The following PARD3 variants were observed in gnomAD, a reference collection of about 807,000 sequenced individuals.
The protein encoded by PARD3 is par-3 family cell polarity regulator, also known as partitioning defective 3 homolog.
In PARD3, 75 loss-of-function variants were observed where a neutral mutation model predicts 155.4. That is an observed-to-expected ratio of 0.48 (90% CI 0.40 to 0.58). The LOEUF (loss-of-function observed/expected upper bound fraction) is 0.58, where lower values mean the gene tolerates loss of function less well. Among genes scored for constraint, PARD3 ranks in the 20% least tolerant of loss-of-function variants. The pLI is 0.00. For synonymous variants in PARD3, 576 were observed against 610.5 expected, an observed-to-expected ratio of 0.94 and a Z score of 0.83; for missense variants, 1,642 against 1,721.7, an observed-to-expected ratio of 0.95 and a Z score of 0.82.
intron 1 of PARD3, among the ~76,000 whole-genome samples, chr10:34,754,320 C>T (rs577625120): frequency 5.0e-4 from 76 of 152,280 alleles, no homozygotes; most frequent in Middle Eastern, 3.4e-3. Flanking sequence ...ATTTTTTATA[C>T]TGCTAGATTA....
intron 20 of PARD3, among the ~76,000 whole-genome samples, chr10:34,288,112 G>A (rs1956489447): frequency 6.6e-6 from 1 of 152,148 alleles, no homozygotes; most frequent in Non-Finnish European, 1.5e-5. Context: ...TCAAGGGGCT[G>A]AGGTGTAAGG....
At chr10:34,372,401 A>G in intron 12 of PARD3, 97 bp downstream of exon 12, 1 of 945,496 alleles carries the variant, frequency 1.1e-6, no homozygotes. Context: ...ACGAGCCAGG[A>G]AAAGGCAGGA....
At chr10:34,732,438 T>A (rs1053659376) in intron 1 of PARD3, among the ~76,000 whole-genome samples, 6 of 152,148 alleles carry the variant, frequency 3.9e-5, no homozygotes, top group Non-Finnish European at 7.3e-5. Context: ...GACTGACACT[T>A]ATAATGGCAC....
In PARD3 at chr10:34,311,277, T is replaced by A. The variant is rs115401109; in HGVS notation, c.3065+5830A>T. ...GTTATTTATTTTTTTTTATTTATTT[T>A]TTTTAATAGAGACAGGGCCTTACTG... On this transcript the variant is annotated intron_variant, in intron 20 of 24. Transcript: ENST00000374788. 1.8e-3 allele frequency among the ~76,000 whole-genome samples: 270 copies of A among 152,312 alleles called. 1 individual carries two copies. Among genetic ancestry groups the A allele is most frequent in the African/African-American group, 5.6e-3 (232 of 41,568 alleles).
intron 4 of PARD3, among the ~76,000 whole-genome samples, chr10:34,457,810 A>C (rs527440023): frequency 4.2e-4 from 64 of 152,274 alleles, no homozygotes; most frequent in African/African-American, 1.5e-3. Context: ...TATATTGCCG[A>C]GGCTGGTCTT....
intron 1 of PARD3, among the ~76,000 whole-genome samples, chr10:34,704,978 G>A (rs1224457785): frequency 6.6e-6 from 1 of 152,074 alleles, no homozygotes; most frequent in African/African-American, 2.4e-5. Flanking sequence ...CAACAAAAGA[G>A]CACGATCAGC....
At chr10:34,493,729 T>C (rs1402287668) in intron 3 of PARD3, among the ~76,000 whole-genome samples, 1 of 147,182 alleles carries the variant, frequency 6.8e-6, no homozygotes, top group African/African-American at 2.6e-5. Flanking sequence ...CGAAACTCTG[T>C]CTCAAAAAAA....
At chr10:34,738,438 C>G (rs987426994) in intron 1 of PARD3, among the ~76,000 whole-genome samples, 4 of 152,208 alleles carry the variant, frequency 2.6e-5, no homozygotes, top group Non-Finnish European at 5.9e-5. Context: ...TGGGGTCCCC[C>G]CAAAGTGCTG....
At chr10:34,370,325 C>T (rs888331164) in intron 12 of PARD3, among the ~76,000 whole-genome samples, 1 of 152,156 alleles carries the variant, frequency 6.6e-6, no homozygotes, top group African/African-American at 2.4e-5. Context: ...TGAAATGCAG[C>T]TTGCATTTCT....
intron 1 of PARD3, among the ~76,000 whole-genome samples, chr10:34,730,328 C>T (rs2094794249): frequency 1.3e-5 from 2 of 151,986 alleles, no homozygotes; most frequent in African/African-American, 2.4e-5. Context: ...GATAAATTAA[C>T]CAGACCTGGA....
chr10:34,713,045 C>T (rs1052378536), intron 1 of PARD3, among the ~76,000 whole-genome samples: 1 of 151,918 alleles, frequency 6.6e-6, no homozygotes, highest in African/African-American at 2.4e-5. Flanking sequence ...CCCGTCTCTA[C>T]TAAAATACAA....
intron 1 of PARD3, among the ~76,000 whole-genome samples, chr10:34,700,349 C>T (rs536513989): frequency 2.0e-5 from 3 of 152,334 alleles, no homozygotes; most frequent in South Asian, 4.1e-4. Flanking sequence ...GCAAGGAATG[C>T]TGAGGCCCAC....
intron 2 of PARD3, among the ~76,000 whole-genome samples, chr10:34,554,903 G>C (rs1022355891): frequency 2.6e-5 from 4 of 152,170 alleles, no homozygotes; most frequent in Non-Finnish European, 5.9e-5. Context: ...ACAGAGTCTA[G>C]CATTTCAGAA....
At chr10:34,668,296 A>G (rs2093538710) in intron 2 of PARD3, among the ~76,000 whole-genome samples, 1 of 152,226 alleles carries the variant, frequency 6.6e-6, no homozygotes, top group Non-Finnish European at 1.5e-5. Flanking sequence ...ACTAGCATAA[A>G]AATACCTTCC....
intron 2 of PARD3, among the ~76,000 whole-genome samples, chr10:34,547,695 T>C (rs1041240458): frequency 3.9e-5 from 6 of 152,188 alleles, no homozygotes; most frequent in African/African-American, 9.6e-5. Context: ...CTGACATCTA[T>C]TGACCAAGTG....
chr10:34,167,178 C>T (rs117777984), intron 22 of PARD3, among the ~76,000 whole-genome samples: 2,974 of 152,218 alleles, frequency 0.02, 42 homozygotes, highest in Middle Eastern at 0.027. Context: ...CCACAATGAC[C>T]AACTATATGC....
chr10:34,185,758 G>A (rs1195137604), intron 22 of PARD3, among the ~76,000 whole-genome samples: 1 of 151,182 alleles, frequency 6.6e-6, no homozygotes, highest in Non-Finnish European at 1.5e-5. Flanking sequence ...AACATCACAG[G>A]ACCCTGAGTA....
chr10:34,405,069 CACAAA>C (rs1458767755), intron 5 of PARD3, among the ~76,000 whole-genome samples: 1 of 67,738 alleles, frequency 1.5e-5, no homozygotes, highest in African/African-American at 1.3e-4. Context: ...GAGACCCCAT[CACAAA>C]CACAAACACA....
intron 3 of PARD3, among the ~76,000 whole-genome samples, chr10:34,514,408 G>A (rs2081580881): frequency 6.6e-6 from 1 of 152,172 alleles, no homozygotes; most frequent in Non-Finnish European, 1.5e-5. Flanking sequence ...TCACCACCTA[G>A]CACAAGGCAT....
Sources: allele counts gnomAD v4.1 joint callset (sites outside exome capture counted in the v4.1 genomes callset), GRCh38; gene constraint gnomAD v4.1.1; transcripts MANE v1.5; gene names NCBI Gene and HGNC (gene_info 2026-07-23, HGNC 2026-07-21).